FHOD3: variants seen among roughly 807,000 people sequenced by gnomAD.
FHOD3 encodes formin homology 2 domain containing 3.
A neutral mutation model predicts 173.0 loss-of-function variants in FHOD3; 90 were observed. The ratio of observed to expected loss-of-function variants is 0.52; its 90% confidence interval spans 0.44 to 0.62. FHOD3 has a LOEUF of 0.62. Among genes scored for constraint, FHOD3 ranks in the 20% least tolerant of loss-of-function variants. The pLI is 0.00. For synonymous variants in FHOD3, 828 were observed against 823.0 expected (o/e 1.01, Z -0.10); for missense variants, 1,945 against 2,034.7 (o/e 0.96, Z 0.85).
At chr18:36,312,351 G>A (rs1195685355) in intron 1 of FHOD3, among the ~76,000 whole-genome samples, 1 of 152,094 alleles carries the variant, frequency 6.6e-6, no homozygotes, top group East Asian at 1.9e-4. Flanking sequence ...TCTTTGTCCT[G>A]GATGGCTTTG....
At chr18:36,664,186 A>G (rs2036998626) in intron 14 of FHOD3, among the ~76,000 whole-genome samples, 4 of 152,224 alleles carry the variant, frequency 2.6e-5, no homozygotes. Flanking sequence ...TTAAAAAACA[A>G]ACTTCTCTGA....
In FHOD3 at chr18:36,649,425, C is replaced by T; in HGVS notation, c.1286+20C>T. ...GGACAGGTACCTAGGACTGGAGCCT[C>T]CCAAGCTCACACTAAAAGTGGGAGA... On this transcript the variant is annotated intron_variant, in intron 11 of 28. Transcript: ENST00000590592. The T allele has an allele frequency of 1.3e-6, 2 of 1,520,374 alleles. No individual in the cohort carries two copies. The highest frequency in any genetic ancestry group is 1.8e-6 in the Non-Finnish European group (2 of 1,134,106). 94.2% of individuals were successfully genotyped at this position (1,520,374 alleles called of 1,614,324 possible).
intron 3 of FHOD3, among the ~76,000 whole-genome samples, chr18:36,462,321 G>T (rs73421040): frequency 0.1 from 15,113 of 151,748 alleles, 1,534 homozygotes; most frequent in East Asian, 0.25. Context: ...GTTTTGTTTT[G>T]CTTTTTGGTT....
chr18:36,778,467 G>A (rs991335012), intron 28 of FHOD3: 5 of 152,202 alleles, frequency 3.3e-5, no homozygotes, highest in African/African-American at 1.2e-4. Context: ...TGTAAATTAA[G>A]GAAAATGTAA....
At chr18:36,384,840 G>T (rs1417859323) in intron 3 of FHOD3, among the ~76,000 whole-genome samples, 13 of 152,136 alleles carry the variant, frequency 8.5e-5, no homozygotes, top group Admixed American at 5.9e-4. Flanking sequence ...GATGCAAATG[G>T]TCAAGGAGAT....
In FHOD3 at chr18:36,329,117, G is replaced by T. The variant is rs558763170; in HGVS notation, c.166-26422G>T. Reference sequence around the variant, plus strand: ...TGTCTGCTGATTTCATGCCCCAAGGGTCTTACCTAAAAACCACTTCCGTTG... The same window carrying T: ...TGTCTGCTGATTTCATGCCCCAAGGTTCTTACCTAAAAACCACTTCCGTTG... On this transcript the variant is annotated intron_variant, in intron 1 of 28. Transcript: ENST00000590592. Among the ~76,000 whole-genome samples the T allele has an allele frequency of 5.8e-4, 88 of 152,228 alleles. 1 individual carries two copies. The South Asian group carries it at 0.016, about 28-fold the overall frequency.
intron 5 of FHOD3, among the ~76,000 whole-genome samples, chr18:36,531,911 G>A (rs1024688284): frequency 6.6e-6 from 1 of 152,162 alleles, no homozygotes; most frequent in Non-Finnish European, 1.5e-5. Flanking sequence ...CTCCTGCCCT[G>A]CCCAGCCCAG....
intron 3 of FHOD3, among the ~76,000 whole-genome samples, chr18:36,430,909 A>C (rs985224762): frequency 6.6e-6 from 1 of 152,128 alleles, no homozygotes. Flanking sequence ...GATGCCAAAA[A>C]CCTGCCATGT....
intron 13 of FHOD3, among the ~76,000 whole-genome samples, chr18:36,657,759 A>T (rs1353028934): frequency 1.1e-4 from 16 of 152,222 alleles, no homozygotes; most frequent in Non-Finnish European, 5.9e-5. Context: ...AGTGAAATTG[A>T]TTTGGATTTT....
chr18:36,494,135 C>T (rs982993899), intron 3 of FHOD3, among the ~76,000 whole-genome samples: 1 of 152,158 alleles, frequency 6.6e-6, no homozygotes, highest in Non-Finnish European at 1.5e-5. Context: ...TTTCCCCACA[C>T]ACTGAAGTTT....
At chr18:36,383,879 A>C (rs893563966) in intron 3 of FHOD3, among the ~76,000 whole-genome samples, 1 of 152,152 alleles carries the variant, frequency 6.6e-6, no homozygotes, top group Admixed American at 6.5e-5. Context: ...TGTTGTGTTC[A>C]ACCTCTGTGC....
At chr18:36,412,836 C>T (rs1217590130) in intron 3 of FHOD3, among the ~76,000 whole-genome samples, 1 of 152,188 alleles carries the variant, frequency 6.6e-6, no homozygotes, top group Non-Finnish European at 1.5e-5. Flanking sequence ...AGAATTTTCT[C>T]ATCTTCCTAG....
At chr18:36,581,389 C>T (rs1202004541) in intron 6 of FHOD3, among the ~76,000 whole-genome samples, 1 of 152,240 alleles carries the variant, frequency 6.6e-6, no homozygotes, top group East Asian at 1.9e-4. Flanking sequence ...AAGGGGAAGG[C>T]CTCAGGGCCC....
chr18:36,585,556 G>GC (rs1317802762), intron 6 of FHOD3, among the ~76,000 whole-genome samples: 1 of 151,954 alleles, frequency 6.6e-6, no homozygotes, highest in Non-Finnish European at 1.5e-5. Context: ...GGCTGAGGGG[G>GC]CCCCACTGTC....
intron 15 of FHOD3, among the ~76,000 whole-genome samples, chr18:36,686,615 A>G (rs2038634169): frequency 7.2e-6 from 1 of 139,006 alleles, no homozygotes; most frequent in Admixed American, 7.5e-5. Context: ...ACAGACCTGC[A>G]CACCCCTCAT....
At chr18:36,543,675 C>G (rs7227881) in intron 5 of FHOD3, among the ~76,000 whole-genome samples, 1 of 152,168 alleles carries the variant, frequency 6.6e-6, no homozygotes, top group Non-Finnish European at 1.5e-5. Flanking sequence ...GGTAGAGGAG[C>G]AAGCCCCGCG....
At chr18:36,625,344 G>C (rs2034018032) in intron 9 of FHOD3, among the ~76,000 whole-genome samples, 167 bp from the exon 10 acceptor site, 1 of 152,224 alleles carries the variant, frequency 6.6e-6, no homozygotes, top group Non-Finnish European at 1.5e-5. Context: ...GCTGTGTTTG[G>C]CTTGGACACA....
chr18:36,419,484 C>A (rs2049870359), intron 3 of FHOD3, among the ~76,000 whole-genome samples: 2 of 152,058 alleles, frequency 1.3e-5, no homozygotes, highest in Non-Finnish European at 2.9e-5. Context: ...AATAAAAAGG[C>A]AGATGCTTCA....
chr18:36,393,827 A>G (rs1383999216), intron 3 of FHOD3, among the ~76,000 whole-genome samples: 1 of 152,150 alleles, frequency 6.6e-6, no homozygotes, highest in Non-Finnish European at 1.5e-5. Context: ...AGGGTCCCAA[A>G]CTTCAGAAAA....
Sources: allele counts gnomAD v4.1 joint callset (sites outside exome capture counted in the v4.1 genomes callset), GRCh38; gene constraint gnomAD v4.1.1; transcripts MANE v1.5; gene names NCBI Gene and HGNC (gene_info 2026-07-23, HGNC 2026-07-21).